Variants in DBX2 observed in about 807,000 individuals in gnomAD.
DBX2 encodes homeobox protein DBX2.
A neutral mutation model predicts 17.7 loss-of-function variants in DBX2; 16 were observed. The observed-to-expected ratio is 0.90, with a 90% CI of 0.61 to 1.37. The LOEUF (loss-of-function observed/expected upper bound fraction) is 1.37. DBX2 is among the 40% of genes most tolerant of loss of function. The pLI is 0.00. For synonymous variants in DBX2, 255 were observed against 183.8 expected, an observed-to-expected ratio of 1.39 and a Z score of -3.13; for missense variants, 538 against 433.8, an observed-to-expected ratio of 1.24 and a Z score of -2.13.
Position 45,037,608 on chromosome 12 carries a change from G to A in DBX2, c.404-1494C>T, listed in dbSNP as rs182771340. On this transcript the variant is annotated intron_variant, in intron 1 of 3. Coordinates refer to ENST00000332700, the MANE Select transcript of DBX2 (RefSeq NM_001004329.3). ...TTCTTTCCTTTTCTTAATCACATTC[G>A]TGAATATTGTTTCCATATGACTACA... Among the ~76,000 whole-genome samples the A allele has an allele frequency of 4.7e-4, 72 of 151,998 alleles. 1 individual carries two copies. Among genetic ancestry groups the A allele is most frequent in the East Asian group, 4.4e-3 (23 of 5,184 alleles).
rs779271312 is a variant in DBX2 at position 45,023,705 on chromosome 12, A to T, written c.687+2T>A. On this transcript the variant is annotated splice_donor_variant, in intron 3 of 3. Coordinates refer to ENST00000332700, the MANE Select transcript of DBX2 (RefSeq NM_001004329.3). LOFTEE classifies it high-confidence loss of function. The stretch of plus-strand genomic sequence containing the variant: ...AGTAGACATCTTCCTGCTTATTAGT[A>T]CCTGTGATTCCTTTAGTCCCAAGTT... 30 of 1,613,900 alleles carry T rather than the reference A, an allele frequency of 1.9e-5. No homozygotes were observed. Among genetic ancestry groups the T allele is most frequent in the Non-Finnish European group, 2.5e-5 (29 of 1,179,954 alleles).
chr12:45,026,522 C>T (rs529149276), intron 2 of DBX2, among the ~76,000 whole-genome samples: 1 of 152,270 alleles, frequency 6.6e-6, no homozygotes, highest in African/African-American at 2.4e-5. Context: ...TAGGGTAAAG[C>T]TAGGGTTTCA....
At chr12:45,037,319 C>T (rs1946446247) in intron 1 of DBX2, among the ~76,000 whole-genome samples, 2 of 152,134 alleles carry the variant, frequency 1.3e-5, no homozygotes, top group African/African-American at 4.8e-5. Flanking sequence ...GGCACTTGCC[C>T]ATACCATGAC....
chr12:45,050,315 TG>T, intron 1 of DBX2, among the ~76,000 whole-genome samples: 1 of 152,302 alleles, frequency 6.6e-6, no homozygotes, highest in East Asian at 1.9e-4. Flanking sequence ...TGGGATGGGA[TG>T]GGGCAAAAAA....
At chr12:45,028,915 A>G (rs1328609802) in intron 2 of DBX2, among the ~76,000 whole-genome samples, 3 of 152,216 alleles carry the variant, frequency 2.0e-5, no homozygotes, top group African/African-American at 4.8e-5. Flanking sequence ...TGCAGTTCCT[A>G]CAAGAAGCAT....
intron 1 of DBX2, among the ~76,000 whole-genome samples, chr12:45,040,236 C>A (rs531289447): frequency 6.6e-6 from 1 of 152,234 alleles, no homozygotes; most frequent in South Asian, 2.1e-4. Flanking sequence ...ACATCTTTCT[C>A]CCGTGCTTCC....
chr12:45,036,803 C>T (rs1946443431), intron 1 of DBX2, among the ~76,000 whole-genome samples: 1 of 152,150 alleles, frequency 6.6e-6, no homozygotes, highest in East Asian at 1.9e-4. Flanking sequence ...ATCACATTTA[C>T]ATGACTTAAA....
Position 45,016,541 on chromosome 12 carries a change from G to T in DBX2, c.765C>A (p.Ile255=), listed in dbSNP as rs757883410. 1 of 1,601,394 alleles carries T rather than the reference G, an allele frequency of 6.2e-7. No individual in the cohort carries two copies. Among genetic ancestry groups the T allele is most frequent in the Non-Finnish European group, 8.5e-7 (1 of 1,175,566 alleles). Residue 255 remains isoleucine, a synonymous_variant, in exon 4 of 4, where the codon ATC becomes ATA. Transcript: ENST00000332700. ...GATCCTCTTGAAGACCTACTTCTTG[G>T]ATACACCTGTTGGAAAGCACTTCCT... ...KEKEVLSNRC[I]QEVGLQEDPL...
intron 2 of DBX2, among the ~76,000 whole-genome samples, chr12:45,034,511 T>C (rs1257651136): frequency 6.6e-6 from 1 of 152,208 alleles, no homozygotes; most frequent in Non-Finnish European, 1.5e-5. Context: ...TATTTTGCTG[T>C]TTGAATTCAA....
chr12:45,025,164 G>C (rs1218711235), intron 2 of DBX2, among the ~76,000 whole-genome samples: 2 of 152,232 alleles, frequency 1.3e-5, no homozygotes, highest in Non-Finnish European at 2.9e-5. Flanking sequence ...TTGAGATGAA[G>C]AGCGTATCTT....
rs115465942 is a variant in DBX2, at chr12:45,021,908, G to A, written c.687+1799C>T. On this transcript the variant is annotated intron_variant, in intron 3 of 3. Coordinates refer to ENST00000332700, the MANE Select transcript of DBX2 (RefSeq NM_001004329.3). ...AACTTTTTATGAGCTTCCACGGGGT[G>A]TGGAAGCTTCTGAGGTGCACAGACT... 3.8e-3 allele frequency among the ~76,000 whole-genome samples: 503 copies of A among 132,758 alleles called. 2 individuals are homozygous for A. The highest frequency in any genetic ancestry group is 0.013 in the African/African-American group (476 of 36,104). 87.1% of individuals were successfully genotyped at this position (132,758 alleles called of 152,430 possible). A position where few individuals can be genotyped will look rare whatever the true frequency, so the allele number is the denominator to read the frequency against.
At chr12:45,032,066 C>A (rs1056234086) in intron 2 of DBX2, among the ~76,000 whole-genome samples, 8 of 148,072 alleles carry the variant, frequency 5.4e-5, no homozygotes, top group Admixed American at 6.7e-5. Context: ...GAACTCCATT[C>A]CAGGAATATT....
chr12:45,049,388 G>C (rs993548404), intron 1 of DBX2, among the ~76,000 whole-genome samples: 8 of 152,020 alleles, frequency 5.3e-5, no homozygotes, highest in Admixed American at 4.6e-4. Context: ...TCCTCTTTCA[G>C]GGTGCAAAAA....
At chr12:45,027,091 G>A (rs1179169950) in intron 2 of DBX2, among the ~76,000 whole-genome samples, 1 of 152,132 alleles carries the variant, frequency 6.6e-6, no homozygotes, top group African/African-American at 2.4e-5. Flanking sequence ...AACATTCCTT[G>A]GTTTGGATAT....
Position 45,031,217 on chromosome 12 carries a change from TGTGTGTGTGAGAGAGA to T in DBX2, c.499+4786_499+4801del, listed in dbSNP as rs1419257661. ...GTGTGTGTGTGTGTGTGTGTGTGTG[TGTGTGTGTGAGAGAGA>T]GAGAGAGAGAGAGAGAGAGAGAGAT... On this transcript the variant is annotated intron_variant, in intron 2 of 3. Coordinates refer to ENST00000332700, the MANE Select transcript of DBX2 (RefSeq NM_001004329.3). 2.2e-3 allele frequency among the ~76,000 whole-genome samples: 233 copies of T among 105,582 alleles called. 2 individuals carry two copies. The South Asian group carries it at 0.033, about 15-fold the overall frequency. 69.3% of individuals were successfully genotyped at this position (105,582 alleles called of 152,430 possible).
intron 1 of DBX2, among the ~76,000 whole-genome samples, chr12:45,038,588 T>C (rs1440998346): frequency 6.6e-6 from 1 of 151,224 alleles, no homozygotes; most frequent in African/African-American, 2.4e-5. Context: ...ACCAAAATGT[T>C]TCTCATCCCA....
intron 1 of DBX2, among the ~76,000 whole-genome samples, chr12:45,047,486 T>C (rs1300245382): frequency 2.0e-5 from 3 of 152,116 alleles, no homozygotes; most frequent in Non-Finnish European, 4.4e-5. Context: ...CATATAGCTA[T>C]GGAGTGTGGC....
chr12:45,050,907 T>A lies in DBX2; in HGVS notation c.21A>T (p.Ala7=). MLPSAV[A]AHAGAYWDVV... Reference sequence around the variant, plus strand: ...CGTCCCAGTACGCACCGGCGTGGGCTGCGACCGCGCTGGGGAGCATAGTGC... The same window carrying A: ...CGTCCCAGTACGCACCGGCGTGGGCAGCGACCGCGCTGGGGAGCATAGTGC... Residue 7 remains alanine (A), a synonymous_variant, in exon 1 of 4, where the codon GCA becomes GCT. Transcript: ENST00000332700. The A allele has an allele frequency of 1.3e-6, 2 of 1,508,098 alleles. No individual in the cohort carries two copies. Among genetic ancestry groups the A allele is most frequent in the Non-Finnish European group, 1.8e-6 (2 of 1,129,894 alleles). 93.4% of individuals were successfully genotyped at this position (1,508,098 alleles called of 1,614,324 possible).
chr12:45,031,469 C>G (rs1329101225), intron 2 of DBX2, among the ~76,000 whole-genome samples: 1 of 151,922 alleles, frequency 6.6e-6, no homozygotes, highest in Non-Finnish European at 1.5e-5. Context: ...CTCATTGGTC[C>G]CAATTCTACA....
Sources: gnomAD v4.1 joint callset for allele counts (sites outside exome capture counted in the v4.1 genomes callset) on GRCh38, gnomAD v4.1.1 for gene constraint, MANE v1.5 for transcripts, NCBI Gene and HGNC (gene_info 2026-07-23, HGNC 2026-07-21) for gene names.